Variants in ABCC4 observed in about 807,000 individuals in gnomAD.
The protein encoded by ABCC4 is ATP-binding cassette sub-family C member 4.
In ABCC4, 102 loss-of-function variants were observed where a neutral mutation model predicts 168.5. That is an observed-to-expected ratio of 0.61 (90% CI 0.52 to 0.71). The LOEUF (loss-of-function observed/expected upper bound fraction) is 0.71. ABCC4 is among the 30% of genes least tolerant of loss of function. The pLI is 0.00. For synonymous variants in ABCC4, 617 were observed against 590.7 expected (o/e 1.04, Z -0.65); for missense variants, 1,402 against 1,605.8 (o/e 0.87, Z 2.17).
chr13:95,182,570 A>C (rs2037931911), intron 11 of ABCC4, among the ~76,000 whole-genome samples: 1 of 152,210 alleles, frequency 6.6e-6, no homozygotes, highest in Non-Finnish European at 1.5e-5. Flanking sequence ...TTTTACCCAA[A>C]ATTGGTGGCT....
chr13:95,136,944 A>C (rs1943039436), intron 19 of ABCC4, among the ~76,000 whole-genome samples: 1 of 152,250 alleles, frequency 6.6e-6, no homozygotes, highest in African/African-American at 2.4e-5. Context: ...CTTGACACCC[A>C]GAGTTGGGCC....
At chr13:95,051,368 AAACAACAACAAT>A (rs2032822194) in intron 27 of ABCC4, among the ~76,000 whole-genome samples, 2 of 152,252 alleles carry the variant, frequency 1.3e-5, no homozygotes, top group African/African-American at 4.8e-5. Flanking sequence ...CACCAATTCA[AAACAACAACAAT>A]AACAATGGAG....
intron 4 of ABCC4, among the ~76,000 whole-genome samples, chr13:95,226,026 T>A (rs1006486127): frequency 6.8e-6 from 1 of 146,858 alleles, no homozygotes; most frequent in Non-Finnish European, 1.5e-5. Context: ...GAGGAATAGG[T>A]AAATACACTA....
chr13:95,183,146 A>T (rs1424891669), intron 11 of ABCC4, among the ~76,000 whole-genome samples: 3 of 145,146 alleles, frequency 2.1e-5, no homozygotes, highest in Non-Finnish European at 4.5e-5. Context: ...AAAATCTTTT[A>T]TTTATCTTAT....
At chr13:95,223,909 C>G (rs978640923) in intron 4 of ABCC4, among the ~76,000 whole-genome samples, 1 of 151,834 alleles carries the variant, frequency 6.6e-6, no homozygotes, top group Non-Finnish European at 1.5e-5. Flanking sequence ...AGTTTAAAAG[C>G]AACAGAGAAG....
At chr13:95,120,938 G>T (rs1290970771) in intron 19 of ABCC4, among the ~76,000 whole-genome samples, 1 of 152,172 alleles carries the variant, frequency 6.6e-6, no homozygotes, top group Non-Finnish European at 1.5e-5. Context: ...ATCTGGGAGG[G>T]GAGGAAGCCA....
intron 19 of ABCC4, among the ~76,000 whole-genome samples, chr13:95,143,209 C>G (rs10508023): frequency 0.19 from 29,567 of 151,782 alleles, 3,757 homozygotes; most frequent in African/African-American, 0.36. Flanking sequence ...TTCGATTTCC[C>G]ACATTTTTTC....
chr13:95,149,694 T>A (rs763304196), intron 19 of ABCC4, among the ~76,000 whole-genome samples: 1 of 152,224 alleles, frequency 6.6e-6, no homozygotes, highest in South Asian at 2.1e-4. Flanking sequence ...TGGAATTGTA[T>A]GTGGAGAAAA....
intron 29 of ABCC4, among the ~76,000 whole-genome samples, chr13:95,041,486 G>T (rs2032357773): frequency 6.6e-6 from 1 of 152,174 alleles, no homozygotes; most frequent in African/African-American, 2.4e-5. Flanking sequence ...TGCAATTACA[G>T]GACTGCATGA....
At chr13:95,233,307 G>T (rs143595236) in intron 4 of ABCC4, among the ~76,000 whole-genome samples, 105 of 93,758 alleles carry the variant, frequency 1.1e-3, no homozygotes, top group African/African-American at 4.0e-3. Flanking sequence ...AAAGTACATG[G>T]GAGTGCACCC....
intron 1 of ABCC4, among the ~76,000 whole-genome samples, chr13:95,268,542 G>A (rs2040745900): frequency 6.6e-6 from 1 of 152,020 alleles, no homozygotes; most frequent in African/African-American, 2.4e-5. Flanking sequence ...CTTGGCAATG[G>A]AACGTCTCAG....
chr13:95,287,501 C>T (rs1258334789), intron 1 of ABCC4, among the ~76,000 whole-genome samples: 5 of 149,818 alleles, frequency 3.3e-5, no homozygotes, highest in African/African-American at 4.9e-5. Flanking sequence ...ACAGCAGAAT[C>T]GTTTGAATCT....
intron 29 of ABCC4, among the ~76,000 whole-genome samples, chr13:95,039,046 C>T (rs781410920): frequency 7.9e-5 from 12 of 152,122 alleles, no homozygotes; most frequent in Non-Finnish European, 1.5e-4. Flanking sequence ...TCTGATGCTA[C>T]AAGGGCCAAG....
chr13:95,284,024 A>AC (rs1403637115), intron 1 of ABCC4, among the ~76,000 whole-genome samples: 1 of 150,096 alleles, frequency 6.7e-6, no homozygotes, highest in Non-Finnish European at 1.5e-5. Context: ...ACATAGAGAA[A>AC]CCCCGTCTCT....
chr13:95,103,816 C>G (rs2034899543), intron 20 of ABCC4, among the ~76,000 whole-genome samples: 1 of 152,150 alleles, frequency 6.6e-6, no homozygotes, highest in African/African-American at 2.4e-5. Flanking sequence ...TTCTTGTGAT[C>G]TGGCCCCTCT....
chr13:95,296,178 ACACAC>A (rs2041530591), intron 1 of ABCC4, among the ~76,000 whole-genome samples: 305 of 24,630 alleles, frequency 0.012, 2 homozygotes, highest in African/African-American at 0.023. Flanking sequence ...ACACACACAC[ACACAC>A]AAAAACACAA....
In ABCC4 at chr13:95,246,982, A is replaced by C. The variant is rs1217879718; in HGVS notation, c.299T>G (p.Leu100Ter). Residue 100 changes from leucine (L) to a stop codon, truncating the protein, a stop_gained, in exon 3 of 31, where the codon TTA becomes TGA. Coordinates refer to ENST00000645237, the MANE Select transcript of ABCC4 (RefSeq NM_005845.5). LOFTEE classifies it high-confidence loss of function. ...KSYLVLGIFT[L>*]IEESAKVIQP... The stretch of plus-strand genomic sequence containing the variant: ...GTATGTAAAAGCTTTTACCTCAATT[A>C]ACGTAAAAATTCCCAAAACTAAATA... The C allele has an allele frequency of 2.5e-6, 4 of 1,611,634 alleles. No individual in the cohort carries two copies. In the South Asian group the frequency reaches 4.4e-5, roughly 18 times the overall value.
intron 19 of ABCC4, among the ~76,000 whole-genome samples, chr13:95,140,620 AG>A (rs2036288894): frequency 6.6e-6 from 1 of 152,216 alleles, no homozygotes; most frequent in South Asian, 2.1e-4. Flanking sequence ...TGAACTTTAA[AG>A]GAAAAAAAAA....
intron 11 of ABCC4, among the ~76,000 whole-genome samples, chr13:95,179,116 T>C (rs2037806923): frequency 6.6e-6 from 1 of 152,176 alleles, no homozygotes; most frequent in African/African-American, 2.4e-5. Flanking sequence ...TGGAGGTCTG[T>C]GCTGGAGACC....
Sources: allele counts gnomAD v4.1 joint callset (sites outside exome capture counted in the v4.1 genomes callset), GRCh38; gene constraint gnomAD v4.1.1; transcripts MANE v1.5; gene names NCBI Gene and HGNC (gene_info 2026-07-23, HGNC 2026-07-21).